TOR1AIP1: variants seen among roughly 807,000 people sequenced by gnomAD.
The protein encoded by TOR1AIP1 is torsin-1A-interacting protein 1.
In TOR1AIP1, 54 loss-of-function variants were observed where a neutral mutation model predicts 63.3. That is an observed-to-expected ratio of 0.85 (90% CI 0.69 to 1.07). The LOEUF is 1.07. Among genes scored for constraint, TOR1AIP1 ranks in the 50% least tolerant of loss-of-function variants. The pLI, the probability that TOR1AIP1 is intolerant of heterozygous loss-of-function variation, is 0.00. For missense variants in TOR1AIP1, 736 were observed against 715.0 expected (o/e 1.03, Z -0.33); for synonymous variants, 294 against 273.5 (o/e 1.07, Z -0.74).
chr1:179,888,575 C>G (rs999903208), intron 2 of TOR1AIP1, among the ~76,000 whole-genome samples: 2 of 152,176 alleles, frequency 1.3e-5, no homozygotes, highest in Admixed American at 1.3e-4. Context: ...AGGGGATCAT[C>G]AAAGTTCCAG....
chr1:179,888,961 C>T (rs1193069241), intron 2 of TOR1AIP1, among the ~76,000 whole-genome samples: 10 of 152,148 alleles, frequency 6.6e-5, no homozygotes, highest in African/African-American at 2.4e-4. Flanking sequence ...GGGTCAGTCA[C>T]AAATGGAATA....
Position 179,882,801 on chromosome 1 carries a change from G to C in TOR1AIP1, c.299G>C (p.Arg100Thr). ...TCCGATTCTGCGAAAGAGGAAGTGA[G>C]AGAAAGCGCGTACTACCTTCGGTCT... is the stretch of plus-strand genomic sequence containing the variant. ...FRSDSAKEEV[R>T]ESAYYLRSRQ... Residue 100 changes from arginine to threonine, a missense_variant, in exon 1 of 10, where the codon AGA becomes ACA. Coordinates refer to ENST00000606911, the MANE Select transcript of TOR1AIP1 (RefSeq NM_015602.4). 6.2e-7 allele frequency: 1 copy of C among 1,614,202 alleles called. No homozygotes were observed.
chr1:179,917,395 G>T, intron 9 of TOR1AIP1, 57 bp from the exon 10 acceptor site: 1 of 1,434,794 alleles, frequency 7.0e-7, no homozygotes, highest in Non-Finnish European at 9.5e-7. Context: ...AAAGTCACTT[G>T]CCCCTGAATC....
intron 3 of TOR1AIP1, among the ~76,000 whole-genome samples, chr1:179,892,608 G>C (rs970784910): frequency 1.3e-5 from 2 of 151,746 alleles, no homozygotes; most frequent in African/African-American, 4.8e-5. Context: ...CATCGTGGCG[G>C]GTGCCTGTAG....
intron 8 of TOR1AIP1, chr1:179,913,686 CG>C (rs1292844430): frequency 2.9e-6 from 2 of 701,334 alleles, no homozygotes; most frequent in African/African-American, 1.8e-5. Flanking sequence ...CTTTTTATCC[CG>C]GAAGTTTCAC....
chr1:179,898,984 C>T (rs1648366978), intron 3 of TOR1AIP1, among the ~76,000 whole-genome samples: 1 of 151,902 alleles, frequency 6.6e-6, no homozygotes, highest in African/African-American at 2.4e-5. Context: ...GAAGTATTTT[C>T]AGTGGAACTC....
intron 9 of TOR1AIP1, 128 bp downstream of exon 9, chr1:179,914,182 AGG>A: frequency 1.3e-6 from 1 of 797,426 alleles, no homozygotes; most frequent in Admixed American, 2.7e-5. Flanking sequence ...AGCACTTGAG[AGG>A]AAAAAGTATA....
At chr1:179,911,802 C>T (rs147622149) in intron 8 of TOR1AIP1, among the ~76,000 whole-genome samples, 6 of 152,090 alleles carry the variant, frequency 3.9e-5, no homozygotes, top group African/African-American at 1.4e-4. Context: ...TATGTGTAAA[C>T]ACAATTTTTT....
intron 3 of TOR1AIP1, among the ~76,000 whole-genome samples, chr1:179,893,167 G>A (rs1022965993): frequency 7.3e-5 from 11 of 151,602 alleles, no homozygotes; most frequent in African/African-American, 1.9e-4. Flanking sequence ...TGCCTGAACC[G>A]GGGAGGTGGA....
chr1:179,895,789 A>G (rs1326131548), intron 3 of TOR1AIP1, among the ~76,000 whole-genome samples: 1 of 151,972 alleles, frequency 6.6e-6, no homozygotes, highest in Admixed American at 6.6e-5. Flanking sequence ...AGTCCCAGCT[A>G]CTCGGGAAAC....
At position 179,919,666 on chromosome 1, in the gene TOR1AIP1, A is replaced by G. The variant is rs199943608; in HGVS notation, c.*1427A>G. 13 of 152,248 alleles carry G rather than the reference A, an allele frequency of 8.5e-5. No individual in the cohort carries two copies. In the East Asian group the frequency reaches 2.3e-3, roughly 27 times the overall value. 9.4% of individuals were successfully genotyped at this position (152,248 alleles called of 1,614,324 possible). ...CTAGATCTATCCACCTTGTTTTTTTATTGTCTACAAACCATTAAATGTAAA... is the reference window on the plus strand; with the variant it reads ...CTAGATCTATCCACCTTGTTTTTTTGTTGTCTACAAACCATTAAATGTAAA... On this transcript the variant is annotated 3_prime_UTR_variant, in exon 10 of 10. Coordinates refer to ENST00000606911, the MANE Select transcript of TOR1AIP1 (RefSeq NM_015602.4).
At chr1:179,901,965 T>C (rs945675715) in intron 5 of TOR1AIP1, among the ~76,000 whole-genome samples, 2 of 151,860 alleles carry the variant, frequency 1.3e-5, no homozygotes, top group African/African-American at 4.8e-5. Context: ...AATTTTATAC[T>C]TTAGTCCTGC....
chr1:179,883,286 AGGG>A (rs1647799949), intron 1 of TOR1AIP1, among the ~76,000 whole-genome samples: 2 of 152,182 alleles, frequency 1.3e-5, no homozygotes, highest in Non-Finnish European at 1.5e-5. Context: ...GGCCTTCACG[AGGG>A]GACAGCGAAT....
intron 8 of TOR1AIP1, 146 bp downstream of exon 8, chr1:179,908,819 T>A (rs531102683): frequency 1.5e-6 from 1 of 673,348 alleles, no homozygotes; most frequent in African/African-American, 1.8e-5. Flanking sequence ...TTTAGTAATT[T>A]CTTGGACTGG....
At chr1:179,883,317 C>T (rs376181065) in intron 1 of TOR1AIP1, among the ~76,000 whole-genome samples, 8 of 152,198 alleles carry the variant, frequency 5.3e-5, no homozygotes, top group South Asian at 4.1e-4. Flanking sequence ...GGGTCGGTTT[C>T]ATTTCGGTTC....
chr1:179,913,646 T>C (rs1175899630), intron 8 of TOR1AIP1: 1 of 702,296 alleles, frequency 1.4e-6, no homozygotes, highest in African/African-American at 1.7e-5. Flanking sequence ...ATATGTTTCA[T>C]TTTATTATGG....
chr1:179,913,300 A>G (rs1014629395), intron 8 of TOR1AIP1, among the ~76,000 whole-genome samples: 5 of 152,178 alleles, frequency 3.3e-5, no homozygotes, highest in East Asian at 1.9e-4. Context: ...TGAAAGTAGA[A>G]ATTTGACAGA....
At chr1:179,893,222 G>A (rs764157759) in intron 3 of TOR1AIP1, among the ~76,000 whole-genome samples, 10 of 151,954 alleles carry the variant, frequency 6.6e-5, no homozygotes, top group East Asian at 3.9e-4. Context: ...CAGCCTGGGC[G>A]ACAGAGCGAG....
chr1:179,883,790 G>T, intron 1 of TOR1AIP1: 1 of 417,622 alleles, frequency 2.4e-6, no homozygotes, highest in Non-Finnish European at 4.9e-6. Flanking sequence ...TAAGTCATAG[G>T]TGAATCAGTT....
Sources: gnomAD v4.1 joint callset for allele counts (sites outside exome capture counted in the v4.1 genomes callset) on GRCh38, gnomAD v4.1.1 for gene constraint, MANE v1.5 for transcripts, NCBI Gene and HGNC (gene_info 2026-07-23, HGNC 2026-07-21) for gene names.